Variants in CADPS observed in about 807,000 individuals in gnomAD.
CADPS encodes calcium dependent secretion activator.
Under a neutral mutation model 167.3 loss-of-function variants are expected in CADPS, and 57 were observed. That is an observed-to-expected ratio of 0.34 (90% CI 0.28 to 0.42). CADPS has a LOEUF of 0.42. Among genes scored for constraint, CADPS ranks in the 20% least tolerant of loss-of-function variants. The pLI is 1.00. For synonymous variants in CADPS, 676 were observed against 635.3 expected (o/e 1.06, Z -0.96); for missense variants, 1,414 against 1,738.1 (o/e 0.81, Z 3.32).
intron 11 of CADPS, among the ~76,000 whole-genome samples, chr3:62,537,624 C>T (rs898675695): frequency 1.4e-4 from 21 of 152,032 alleles, no homozygotes; most frequent in Admixed American, 1.4e-3. Context: ...TACTGGAATA[C>T]GGGGACCTGC....
At chr3:62,640,555 C>T (rs376810736) in intron 6 of CADPS, among the ~76,000 whole-genome samples, 17 of 152,216 alleles carry the variant, frequency 1.1e-4, no homozygotes, top group Middle Eastern at 3.4e-3. Flanking sequence ...TGGCAAGATC[C>T]CAGTTAGGGC....
rs759677767 is a variant in CADPS at position 62,458,056 on chromosome 3, T to C, written c.3636+7311A>G. The stretch of plus-strand genomic sequence containing the variant: ...GTAACAAACCCGCACATTCTGCACA[T>C]GTATCCCAGAACTTGAAGTATAATT... On this transcript the variant is annotated intron_variant, in intron 26 of 29. Coordinates refer to ENST00000383710, the MANE Select transcript of CADPS (RefSeq NM_003716.4). The surrounding 1 kb of genome is among the most constrained non-coding windows in gnomAD (Gnocchi z 4.6). Among the ~76,000 whole-genome samples the C allele has an allele frequency of 6.6e-6, 1 of 152,186 alleles. No homozygotes were observed. The highest frequency in any genetic ancestry group is 2.4e-5 in the African/African-American group (1 of 41,452).
chr3:62,406,669 AAC>A (rs1388467225), intron 28 of CADPS, among the ~76,000 whole-genome samples: 2 of 152,176 alleles, frequency 1.3e-5, no homozygotes, highest in Non-Finnish European at 2.9e-5. Context: ...TTAATCCTAA[AAC>A]ACAGCACTAA....
intron 1 of CADPS, among the ~76,000 whole-genome samples, chr3:62,808,936 A>G (rs1006148750): frequency 4.6e-5 from 7 of 152,164 alleles, no homozygotes; most frequent in South Asian, 4.2e-4. Flanking sequence ...TCCTCCTCCA[A>G]CTCAATAAAC....
chr3:62,456,007 CTTTT>C (rs2058646861), intron 26 of CADPS, among the ~76,000 whole-genome samples: 1 of 152,076 alleles, frequency 6.6e-6, no homozygotes. Flanking sequence ...CTCTCTCTCT[CTTTT>C]TTGTTTTCAT....
chr3:62,755,795 A>T (rs1432104166), intron 2 of CADPS, among the ~76,000 whole-genome samples: 1 of 152,234 alleles, frequency 6.6e-6, no homozygotes, highest in African/African-American at 2.4e-5. Context: ...ATGAATCCTC[A>T]GGCCTTATGA....
intron 3 of CADPS, among the ~76,000 whole-genome samples, chr3:62,663,955 T>A (rs949851424): frequency 2.0e-5 from 3 of 152,176 alleles, no homozygotes; most frequent in Admixed American, 6.5e-5. Flanking sequence ...TGTTACAAAG[T>A]CTTCGAGAAG....
Position 62,686,193 on chromosome 3 carries a change from GCAAA to G in CADPS, c.889-23803_889-23800del, listed in dbSNP as rs201907659. 4.9e-3 allele frequency among the ~76,000 whole-genome samples: 743 copies of G among 152,120 alleles called. 9 individuals are homozygous for G. Among genetic ancestry groups the G allele is most frequent in the African/African-American group, 0.017 (686 of 41,494 alleles). ...AAATAAGTTAACTATATTCCAGTGA[GCAAA>G]CAAACAAACAAAAAACCCTGCATGT... On this transcript the variant is annotated intron_variant, in intron 3 of 29. Transcript: ENST00000383710.
chr3:62,610,180 T>G (rs565527315), intron 6 of CADPS, among the ~76,000 whole-genome samples: 1 of 152,170 alleles, frequency 6.6e-6, no homozygotes, highest in South Asian at 2.1e-4. Context: ...GCCTTTTCTT[T>G]TTTTCCTTCC....
At chr3:62,768,261 C>T (rs1212653663) in intron 1 of CADPS, among the ~76,000 whole-genome samples, 1 of 152,124 alleles carries the variant, frequency 6.6e-6, no homozygotes, top group African/African-American at 2.4e-5. Flanking sequence ...TAATCTAGTT[C>T]ACAAATCCTA....
intron 3 of CADPS, among the ~76,000 whole-genome samples, chr3:62,717,446 G>C (rs911706850): frequency 9.9e-5 from 15 of 152,142 alleles, no homozygotes; most frequent in Non-Finnish European, 1.0e-4. Flanking sequence ...TTGCACAAAA[G>C]AGAAATTTTG....
chr3:62,509,119 A>G (rs1003419669), intron 17 of CADPS, among the ~76,000 whole-genome samples: 2 of 152,006 alleles, frequency 1.3e-5, no homozygotes, highest in African/African-American at 4.8e-5. Context: ...CCTGGCCAAC[A>G]TGGTAAAACC....
chr3:62,815,361 T>C (rs1437526230), intron 1 of CADPS, among the ~76,000 whole-genome samples: 1 of 151,830 alleles, frequency 6.6e-6, no homozygotes. Flanking sequence ...ATGATTTCAT[T>C]TATATAAAGT....
intron 3 of CADPS, among the ~76,000 whole-genome samples, chr3:62,695,893 T>A (rs1262385494): frequency 6.6e-6 from 1 of 152,094 alleles, no homozygotes; most frequent in African/African-American, 2.4e-5. Context: ...CCCATATTAT[T>A]TCTGCAACTT....
At chr3:62,574,127 C>T (rs977292260) in intron 8 of CADPS, among the ~76,000 whole-genome samples, 3 of 152,212 alleles carry the variant, frequency 2.0e-5, no homozygotes, top group African/African-American at 7.2e-5. Context: ...TCACCATCAA[C>T]ACCACCTGGA....
chr3:62,801,754 TA>T (rs536687530), intron 1 of CADPS, among the ~76,000 whole-genome samples: 9 of 151,260 alleles, frequency 6.0e-5, no homozygotes, highest in South Asian at 2.1e-4. Context: ...TTTTACGGAT[TA>T]AAAAAAAAGG....
At chr3:62,575,958 G>C (rs1005484947) in intron 8 of CADPS, among the ~76,000 whole-genome samples, 9 of 152,298 alleles carry the variant, frequency 5.9e-5, no homozygotes, top group African/African-American at 2.2e-4. Flanking sequence ...GAAAAACTGA[G>C]GGCTGAGATG....
chr3:62,758,282 C>T (rs1477592626), intron 2 of CADPS, among the ~76,000 whole-genome samples: 4 of 152,088 alleles, frequency 2.6e-5, no homozygotes, highest in Non-Finnish European at 5.9e-5. Context: ...TCTATCTGTC[C>T]TGTGTTAAGA....
intron 8 of CADPS, among the ~76,000 whole-genome samples, chr3:62,580,257 TA>T (rs1312655328): frequency 3.9e-5 from 6 of 152,082 alleles, no homozygotes; most frequent in African/African-American, 1.2e-4. Flanking sequence ...TATGCAGCCA[TA>T]AAAAAGGATG....
Sources: allele counts gnomAD v4.1 joint callset (sites outside exome capture counted in the v4.1 genomes callset), GRCh38; gene constraint gnomAD v4.1.1; non-coding constraint Gnocchi (gnomAD v3.1); transcripts MANE v1.5; gene names NCBI Gene and HGNC (gene_info 2026-07-23, HGNC 2026-07-21).